Variants in CHDH observed in about 807,000 individuals in gnomAD.
CHDH encodes the protein choline dehydrogenase, mitochondrial.
CHDH carries 43 observed loss-of-function variants against 56.9 expected under a neutral mutation model. That is an observed-to-expected ratio of 0.76 (90% CI 0.59 to 0.97). CHDH has a LOEUF of 0.97. Ranked by LOEUF, CHDH falls within the 50% of genes least tolerant of loss-of-function variation. The pLI, the probability that CHDH is intolerant of heterozygous loss-of-function variation, is 0.00. For synonymous variants in CHDH, 364 were observed against 348.5 expected, an observed-to-expected ratio of 1.04 and a Z score of -0.50; for missense variants, 816 against 821.1, an observed-to-expected ratio of 0.99 and a Z score of 0.08.
At chr3:53,826,611 T>C (rs1247431428) in intron 2 of CHDH, among the ~76,000 whole-genome samples, 1 of 151,550 alleles carries the variant, frequency 6.6e-6, no homozygotes, top group Admixed American at 6.6e-5. Context: ...TTCCCCAACT[T>C]GGTAAAGAAT....
chr3:53,843,206 G>GTTTTTC (rs1263452743), intron 1 of CHDH, among the ~76,000 whole-genome samples: 1 of 123,670 alleles, frequency 8.1e-6, no homozygotes, highest in Non-Finnish European at 1.5e-5. Context: ...TTTTTTTTTG[G>GTTTTTC]TTCTGCCTCT....
rs745460950 is a variant in CHDH, at chr3:53,823,846, G to T, written c.163C>A (p.Leu55Met). 1.4e-5 allele frequency: 23 copies of T among 1,587,042 alleles called. No individual in the cohort carries two copies. In the South Asian group the frequency reaches 2.5e-4, roughly 17 times the overall value. The change falls in exon 3 of 9, where the codon CTG becomes ATG. Residue 55 changes from leucine (L) to methionine (M), a missense_variant. By Grantham distance (15) the Leu-to-Met change is conservative (BLOSUM62 2). Coordinates refer to ENST00000315251, the MANE Select transcript of CHDH (RefSeq NM_018397.5). The stretch of plus-strand genomic sequence containing the variant: ...GGGTCCTCCGTGAGCCTCCCAGCCA[G>T]CACGCAGCCCGCCGAGCCCGCGCCC... ...VVGAGSAGCV[L>M]AGRLTEDPAE...
intron 3 of CHDH, 143 bp from the exon 4 acceptor site, chr3:53,822,785 A>C (rs1476576021): frequency 2.2e-5 from 23 of 1,044,078 alleles, no homozygotes; most frequent in Non-Finnish European, 2.6e-5. Context: ...AGACGGAAAG[A>C]CCCTGCAAGA....
Position 53,823,829 on chromosome 3 carries a change from C to A in CHDH, c.180G>T (p.Thr60=). ...GCAGCACGCGCTCGGCGGGGTCCTC[C>A]GTGAGCCTCCCAGCCAGCACGCAGC... is the stretch of plus-strand genomic sequence containing the variant. ...SAGCVLAGRL[T]EDPAERVLLL... Residue 60 remains threonine (T), a synonymous_variant, in exon 3 of 9, where the codon ACG becomes ACT. Coordinates refer to ENST00000315251, the MANE Select transcript of CHDH (RefSeq NM_018397.5). 6.3e-7 allele frequency: 1 copy of A among 1,585,368 alleles called. No individual in the cohort carries two copies. Among genetic ancestry groups the A allele is most frequent in the Non-Finnish European group, 8.5e-7 (1 of 1,173,018 alleles).
chr3:53,818,907 A>G, intron 8 of CHDH, 31 bp downstream of exon 8: 1 of 1,378,520 alleles, frequency 7.3e-7, no homozygotes, highest in South Asian at 1.2e-5. Context: ...TCGTTTGTTC[A>G]AGCCCAGGAA....
chr3:53,822,661 T>C lies in CHDH; in HGVS notation c.704-19A>G. ...CGTTTGCCTGCAGGATGGAGTGAGG[T>C]GGTCAGGCATGGCTCCGCCCTCCCC... On this transcript the variant is annotated intron_variant, in intron 3 of 8. Transcript: ENST00000315251. 1 of 1,600,434 alleles carries C rather than the reference T, an allele frequency of 6.2e-7. No individual in the cohort carries two copies. The highest frequency in any genetic ancestry group is 8.5e-7 in the Non-Finnish European group (1 of 1,175,780).
At chr3:53,821,577 T>C in intron 5 of CHDH, 70 bp downstream of exon 5, 10 of 1,370,838 alleles carry the variant, frequency 7.3e-6, no homozygotes, top group African/African-American at 1.4e-5. Context: ...TTCATGCTAA[T>C]AAGATACATA....
At chr3:53,821,517 G>A (rs962583608) in intron 5 of CHDH, 130 bp downstream of exon 5, 62 of 809,942 alleles carry the variant, frequency 7.7e-5, no homozygotes, top group South Asian at 2.7e-4. Context: ...TCGGGCTCTC[G>A]GGGACAATGT....
rs914723459 is a variant in CHDH, at chr3:53,813,194, C to T, written c.*4583G>A. ...ACTTTGTTATGAAGACCTTACAAAC[C>T]TCTTCTTAAGACATTCTTACTCTGA... On this transcript the variant is annotated 3_prime_UTR_variant, in exon 9 of 9. Transcript: ENST00000315251. The T allele has an allele frequency of 2.0e-5, 3 of 147,190 alleles. No individual in the cohort carries two copies. Among genetic ancestry groups the T allele is most frequent in the African/African-American group, 7.6e-5 (3 of 39,694 alleles). The allele number at this position is 147,190 out of a possible 1,614,324, so 9.1% of individuals were successfully genotyped here.
chr3:53,838,726 G>T (rs920253), intron 2 of CHDH, among the ~76,000 whole-genome samples: 11,983 of 152,190 alleles, frequency 0.079, 1,071 homozygotes, highest in African/African-American at 0.22. Flanking sequence ...AGACAGCAGT[G>T]GGGGAGAGCT....
intron 2 of CHDH, among the ~76,000 whole-genome samples, chr3:53,837,312 G>T (rs774470553): frequency 6.6e-6 from 1 of 152,260 alleles, no homozygotes; most frequent in African/African-American, 2.4e-5. Flanking sequence ...CCTGGGAGAT[G>T]ATTCTGGACA....
intron 2 of CHDH, among the ~76,000 whole-genome samples, chr3:53,833,006 C>T (rs1698385143): frequency 6.6e-6 from 1 of 152,186 alleles, no homozygotes; most frequent in Admixed American, 6.5e-5. Flanking sequence ...TATAAAGAAA[C>T]TTGAGGGTAG....
At chr3:53,843,659 A>G (rs1333910983) in intron 1 of CHDH, among the ~76,000 whole-genome samples, 4 of 152,108 alleles carry the variant, frequency 2.6e-5, no homozygotes, top group African/African-American at 7.2e-5. Flanking sequence ...CCATTCAAGC[A>G]TTTAATGAGC....
intron 1 of CHDH, among the ~76,000 whole-genome samples, chr3:53,845,349 A>G (rs1037151365): frequency 5.3e-5 from 8 of 152,182 alleles, no homozygotes; most frequent in African/African-American, 1.7e-4. Flanking sequence ...TTGACTTAGT[A>G]CAGCCTCTCA....
At position 53,832,487 on chromosome 3, in the gene CHDH, G is replaced by A. The variant is rs146179219; in HGVS notation, c.-59-8420C>T. The stretch of plus-strand genomic sequence containing the variant: ...GCGGAGCTTGCAGTGAGCCGAGATC[G>A]TACCACTGCACTCCAGCCTGGGCGA... On this transcript the variant is annotated intron_variant, in intron 2 of 8. Transcript: ENST00000315251. 3.7e-3 allele frequency among the ~76,000 whole-genome samples: 565 copies of A among 152,054 alleles called. 11 individuals are homozygous for A. The highest frequency in any genetic ancestry group is 0.027 in the Admixed American group (408 of 15,274).
chr3:53,818,020 G>A lies in CHDH; in HGVS notation c.1542C>T (p.Cys514=), dbSNP rs1323808155. Reference sequence around the variant, plus strand: ...CGGAGGGCTGGCCCATCTTACAGGTGCACGAGGGGTGGTAGGCGCTGTCGG... The same window carrying A: ...CGGAGGGCTGGCCCATCTTACAGGTACACGAGGGGTGGTAGGCGCTGTCGG... ...AKADSAYHPS[C]TCKMGQPSDP... is the part of the protein sequence containing the mutation. The change falls in exon 9 of 9, where the codon TGC becomes TGT. Residue 514 remains cysteine, a synonymous_variant. Coordinates refer to ENST00000315251, the MANE Select transcript of CHDH (RefSeq NM_018397.5). The A allele has an allele frequency of 1.2e-6, 2 of 1,614,214 alleles. No homozygotes were observed. The highest frequency in any genetic ancestry group is 1.7e-6 in the Non-Finnish European group (2 of 1,180,042).
chr3:53,822,567 G>A lies in CHDH; in HGVS notation c.779C>T (p.Thr260Met), dbSNP rs371272475. 31 of 1,613,322 alleles carry A rather than the reference G, an allele frequency of 1.9e-5. No homozygotes were observed. The highest frequency in any genetic ancestry group is 2.7e-5 in the African/African-American group (2 of 75,066). ...SRTNLKAEAE[T>M]LVSRVLFEGT... ...CTCAAATAGCACCCTGCTCACAAGCGTCTCGGCCTCGGCCTTGAGGTTGGT... is the reference window on the plus strand; with the variant it reads ...CTCAAATAGCACCCTGCTCACAAGCATCTCGGCCTCGGCCTTGAGGTTGGT... The change falls in exon 4 of 9, where the codon ACG becomes ATG. Residue 260 changes from threonine (T) to methionine (M), a missense_variant. Thr to Met is a moderately conservative substitution (Grantham distance 81, BLOSUM62 -1). Transcript: ENST00000315251.
At position 53,824,085 on chromosome 3, in the gene CHDH, GCTTTAAAAAT is replaced by G; in HGVS notation, c.-59-28_-59-19del. The G allele has an allele frequency of 7.5e-7, 1 of 1,338,656 alleles. No homozygotes were observed. Among genetic ancestry groups the G allele is most frequent in the Non-Finnish European group, 9.7e-7 (1 of 1,028,338 alleles). 82.9% of individuals were successfully genotyped at this position (1,338,656 alleles called of 1,614,324 possible). A position where few individuals can be genotyped will look rare whatever the true frequency, so the allele number is the denominator to read the frequency against. On this transcript the variant is annotated intron_variant, in intron 2 of 8. Coordinates refer to ENST00000315251, the MANE Select transcript of CHDH (RefSeq NM_018397.5). Reference sequence around the variant, plus strand: ...ACTTCTCCCTAAAACAGGAAGAGGGGCTTTAAAAATCTTAACTCCGCATATCCAGGGTATG... The same window carrying G: ...ACTTCTCCCTAAAACAGGAAGAGGGGCTTAACTCCGCATATCCAGGGTATG...
At chr3:53,821,542 T>C (rs183984651) in intron 5 of CHDH, 105 bp downstream of exon 5, 14 of 1,008,206 alleles carry the variant, frequency 1.4e-5, no homozygotes, top group Admixed American at 5.7e-5. Flanking sequence ...GTTCCAAGGA[T>C]CACTGACTGC....
Sources: allele counts gnomAD v4.1 joint callset (sites outside exome capture counted in the v4.1 genomes callset), GRCh38; gene constraint gnomAD v4.1.1; transcripts MANE v1.5; gene names NCBI Gene and HGNC (gene_info 2026-07-23, HGNC 2026-07-21).